The following HECW2 variants were observed in gnomAD, a reference collection of about 807,000 sequenced individuals.
HECW2 encodes HECT, C2 and WW domain containing E3 ubiquitin protein ligase 2.
In HECW2, 61 loss-of-function variants were observed where a neutral mutation model predicts 175.2. The observed-to-expected ratio is 0.35, with a 90% CI of 0.28 to 0.43. HECW2 has a LOEUF of 0.43. Among genes scored for constraint, HECW2 ranks in the 20% least tolerant of loss-of-function variants. HECW2 has a pLI of 1.00. For synonymous variants in HECW2, 671 were observed against 731.0 expected (o/e 0.92, Z 1.32); for missense variants, 1,524 against 2,000.5 (o/e 0.76, Z 4.54).
At chr2:196,358,307 C>A (rs1172577679) in intron 2 of HECW2, among the ~76,000 whole-genome samples, 1 of 151,950 alleles carries the variant, frequency 6.6e-6, no homozygotes, top group Non-Finnish European at 1.5e-5. Flanking sequence ...GGCACGGTGG[C>A]TCATACCTGT....
intron 1 of HECW2, among the ~76,000 whole-genome samples, chr2:196,565,481 T>A (rs1017317492): frequency 6.6e-6 from 1 of 152,214 alleles, no homozygotes; most frequent in Non-Finnish European, 1.5e-5. Flanking sequence ...AAGTGGGGAA[T>A]AGATGAACAA....
intron 14 of HECW2, among the ~76,000 whole-genome samples, chr2:196,282,362 T>C (rs756473753): frequency 5.3e-5 from 8 of 152,086 alleles, no homozygotes; most frequent in Admixed American, 3.3e-4. Context: ...CTCTGTAAAA[T>C]ATTTGAAGAG....
At chr2:196,430,566 A>T (rs776631849) in intron 2 of HECW2, among the ~76,000 whole-genome samples, 2 of 152,228 alleles carry the variant, frequency 1.3e-5, no homozygotes, top group Non-Finnish European at 2.9e-5. Context: ...TTAACACACA[A>T]GAAATCTCAT....
At chr2:196,213,855 C>T (rs1417718609) in intron 28 of HECW2, among the ~76,000 whole-genome samples, 1 of 152,172 alleles carries the variant, frequency 6.6e-6, no homozygotes, top group Non-Finnish European at 1.5e-5. Context: ...CTCAACCCAA[C>T]CTAATATACC....
At chr2:196,331,224 A>T in intron 4 of HECW2, 1 of 985,090 alleles carries the variant, frequency 1.0e-6, no homozygotes, top group Non-Finnish European at 1.2e-6. Context: ...TTCCTGGGTC[A>T]TAGAGTTGGC....
At chr2:196,339,803 A>G (rs1355207563) in intron 3 of HECW2, among the ~76,000 whole-genome samples, 1 of 152,268 alleles carries the variant, frequency 6.6e-6, no homozygotes, top group East Asian at 1.9e-4. Flanking sequence ...GCTCTCTTGA[A>G]TACTTGACTG....
intron 1 of HECW2, among the ~76,000 whole-genome samples, chr2:196,574,997 C>T (rs1216062794): frequency 6.8e-6 from 1 of 146,254 alleles, no homozygotes; most frequent in Non-Finnish European, 1.5e-5. Flanking sequence ...AGGATTGCTG[C>T]TTGAGCCCAG....
At chr2:196,570,894 T>C (rs997904444) in intron 1 of HECW2, among the ~76,000 whole-genome samples, 2 of 152,192 alleles carry the variant, frequency 1.3e-5, no homozygotes, top group African/African-American at 2.4e-5. Context: ...CTTCACCCCA[T>C]TTGCTTCACG....
At chr2:196,470,458 T>C (rs1156389836) in intron 1 of HECW2, among the ~76,000 whole-genome samples, 1 of 152,240 alleles carries the variant, frequency 6.6e-6, no homozygotes, top group African/African-American at 2.4e-5. Context: ...TAGTACTTTG[T>C]GGATGCTAAA....
chr2:196,215,980 G>T lies in HECW2; in HGVS notation c.4495-3C>A. 6.2e-7 allele frequency: 1 copy of T among 1,603,520 alleles called. No individual in the cohort carries two copies. Among genetic ancestry groups the T allele is most frequent in the Non-Finnish European group, 8.5e-7 (1 of 1,170,692 alleles). ...ATGCTGGATGTGCCTGTAACAAACTGTCAACCCAAGAAAACAGAAGGAGAA... is the reference window on the plus strand; with the variant it reads ...ATGCTGGATGTGCCTGTAACAAACTTTCAACCCAAGAAAACAGAAGGAGAA... On this transcript the variant is annotated splice_region_variant and splice_polypyrimidine_tract_variant and intron_variant, in intron 27 of 28. Coordinates refer to ENST00000644978, the MANE Select transcript of HECW2 (RefSeq NM_001348768.2).
intron 1 of HECW2, among the ~76,000 whole-genome samples, chr2:196,537,261 G>C (rs571982738): frequency 3.9e-5 from 6 of 152,240 alleles, no homozygotes; most frequent in African/African-American, 1.4e-4. Flanking sequence ...CGATACTGGG[G>C]AAACCTGTGT....
At chr2:196,455,001 A>T (rs1271584141) in intron 1 of HECW2, among the ~76,000 whole-genome samples, 1 of 151,596 alleles carries the variant, frequency 6.6e-6, no homozygotes, top group Non-Finnish European at 1.5e-5. Context: ...TATTCATTTG[A>T]TTATTTCTGG....
intron 1 of HECW2, among the ~76,000 whole-genome samples, chr2:196,460,497 T>A (rs1196988301): frequency 6.7e-6 from 1 of 150,310 alleles, no homozygotes. Flanking sequence ...TTTTTTTTTT[T>A]TTTTGCATGT....
chr2:196,336,903 A>G (rs557972121), intron 3 of HECW2, among the ~76,000 whole-genome samples: 3 of 149,780 alleles, frequency 2.0e-5, no homozygotes, highest in Admixed American at 1.3e-4. Flanking sequence ...GGATTTCCAC[A>G]GATCACCCAT....
intron 1 of HECW2, among the ~76,000 whole-genome samples, chr2:196,453,966 G>C (rs1311371197): frequency 6.6e-6 from 1 of 152,126 alleles, no homozygotes; most frequent in Non-Finnish European, 1.5e-5. Context: ...AAAATAATAA[G>C]AGTTGGGGGA....
chr2:196,289,884 A>C (rs1690541692), intron 14 of HECW2: 1 of 152,152 alleles, frequency 6.6e-6, no homozygotes, highest in South Asian at 2.1e-4. Flanking sequence ...AGTTATTTTA[A>C]TCTACTGGAA....
At chr2:196,399,810 G>A (rs907969108) in intron 2 of HECW2, among the ~76,000 whole-genome samples, 5 of 152,118 alleles carry the variant, frequency 3.3e-5, no homozygotes, top group East Asian at 3.8e-4. Context: ...AAGTATTAAC[G>A]TATCTTTGAA....
chr2:196,479,336 T>C (rs377059577), intron 1 of HECW2, among the ~76,000 whole-genome samples: 6 of 152,334 alleles, frequency 3.9e-5, no homozygotes, highest in East Asian at 1.9e-4. Flanking sequence ...GGCAGCAAGA[T>C]TGCATGCTCT....
At chr2:196,239,635 A>T (rs1688376360) in intron 21 of HECW2, 1 of 150,292 alleles carries the variant, frequency 6.7e-6, no homozygotes, top group South Asian at 2.1e-4. Flanking sequence ...ACAATCAGAC[A>T]ATTGTATGGT....
Sources: gnomAD v4.1 joint callset for allele counts (sites outside exome capture counted in the v4.1 genomes callset) on GRCh38, gnomAD v4.1.1 for gene constraint, MANE v1.5 for transcripts, NCBI Gene and HGNC (gene_info 2026-07-23, HGNC 2026-07-21) for gene names.